TSFM: variants seen among roughly 807,000 people sequenced by gnomAD.
TSFM encodes the protein Ts translation elongation factor, mitochondrial, also known as elongation factor Ts, mitochondrial.
In TSFM, 29 loss-of-function variants were observed where a neutral mutation model predicts 33.4. That is an observed-to-expected ratio of 0.87 (90% CI 0.65 to 1.18). TSFM has a LOEUF of 1.18. Ranked by LOEUF, TSFM falls within the 50% of genes most tolerant of loss-of-function variation. TSFM has a pLI of 0.00. For synonymous variants in TSFM, 178 were observed against 163.5 expected (o/e 1.09, Z -0.68); for missense variants, 394 against 395.6 (o/e 1.00, Z 0.04).
At chr12:57,791,337 C>T (rs1483434889) in intron 4 of TSFM, among the ~76,000 whole-genome samples, 2 of 152,068 alleles carry the variant, frequency 1.3e-5, no homozygotes, top group South Asian at 2.1e-4. Flanking sequence ...TTTTTGAATA[C>T]ATAAGATACA....
At chr12:57,784,515 T>C (rs936467402) in intron 2 of TSFM, among the ~76,000 whole-genome samples, 2 of 152,232 alleles carry the variant, frequency 1.3e-5, no homozygotes, top group Admixed American at 1.3e-4. Flanking sequence ...AAAACACATA[T>C]TGTACAGCTG....
At chr12:57,784,186 C>T (rs1269766487) in intron 2 of TSFM, 1 of 697,412 alleles carries the variant, frequency 1.4e-6, no homozygotes, top group Admixed American at 2.0e-5. Flanking sequence ...TATTGTGTAT[C>T]TAAACATAGA....
chr12:57,790,194 C>T (rs1435603170), intron 4 of TSFM, among the ~76,000 whole-genome samples: 4 of 151,834 alleles, frequency 2.6e-5, no homozygotes, highest in South Asian at 2.1e-4. Context: ...CTCAGCCTCC[C>T]GAGTAGCTGG....
Position 57,783,014 on chromosome 12 carries a change from A to T in TSFM, c.58-96A>T. On this transcript the variant is annotated intron_variant, in intron 1 of 5. Transcript: ENST00000652027. ...AGCCCCGGTGCACCCCCCTTTGCAC[A>T]CTGTCCGCTCCCTAAGGTCGCTTCC... 3 of 1,508,622 alleles carry T rather than the reference A, an allele frequency of 2.0e-6. No homozygotes were observed. The African/African-American group carries it at 4.1e-5, about 21-fold the overall frequency. The allele number at this position is 1,508,622 out of a possible 1,614,324, so 93.5% of individuals were successfully genotyped here.
chr12:57,800,198 T>C, downstream of TSFM: 1 of 313,594 alleles, frequency 3.2e-6, no homozygotes, highest in Non-Finnish European at 6.0e-6. Context: ...TGGATCTCAT[T>C]TGAATATTGG....
Position 57,795,292 on chromosome 12 carries a change from G to T in TSFM, c.572-885G>T, listed in dbSNP as rs368348333. On this transcript the variant is annotated intron_variant, in intron 5 of 5. Coordinates refer to ENST00000652027, the MANE Select transcript of TSFM (RefSeq NM_005726.6). The stretch of plus-strand genomic sequence containing the variant: ...TTTTTGTATTTTTAGTAGAGACGGG[G>T]TTTCTCCATGTTGGTCAGGCTGGTC... 2.9e-4 allele frequency among the ~76,000 whole-genome samples: 44 copies of T among 151,276 alleles called. 1 individual carries two copies. Among genetic ancestry groups the T allele is most frequent in the African/African-American group, 9.9e-4 (41 of 41,214 alleles).
At chr12:57,799,845 T>C, downstream of TSFM, 1 of 1,614,226 alleles carries the variant, frequency 6.2e-7, no homozygotes, top group Non-Finnish European at 8.5e-7. Flanking sequence ...TTCTGGTTTT[T>C]CAACAGAACT....
chr12:57,795,708 G>A (rs1235395133), intron 5 of TSFM, among the ~76,000 whole-genome samples: 1 of 151,942 alleles, frequency 6.6e-6, no homozygotes, highest in African/African-American at 2.4e-5. Context: ...TCCGCTTCCT[G>A]GGTTCAAGTG....
chr12:57,801,293 G>A (rs1241606304), downstream of TSFM: 6 of 1,201,342 alleles, frequency 5.0e-6, no homozygotes, highest in Admixed American at 4.2e-5. Flanking sequence ...GTGTCTTCAG[G>A]AAAAGCAAAA....
At chr12:57,790,538 G>C (rs1465813237) in intron 4 of TSFM, among the ~76,000 whole-genome samples, 1 of 152,098 alleles carries the variant, frequency 6.6e-6, no homozygotes, top group Non-Finnish European at 1.5e-5. Flanking sequence ...ATACAAAATT[G>C]TTTCAGAATT....
chr12:57,784,127 A>G, intron 2 of TSFM: 1 of 702,606 alleles, frequency 1.4e-6, no homozygotes, highest in Non-Finnish European at 2.6e-6. Flanking sequence ...AAACCGTTAC[A>G]AAATGTTACT....
At chr12:57,783,033 C>T (rs1405015820) in intron 1 of TSFM, 77 bp from the exon 2 acceptor site, 9 of 1,535,650 alleles carry the variant, frequency 5.9e-6, no homozygotes, top group Non-Finnish European at 7.9e-6. Flanking sequence ...TCCCTAAGGT[C>T]GCTTCCCTGC....
chr12:57,802,076 G>A, downstream of TSFM: 1 of 1,463,426 alleles, frequency 6.8e-7, no homozygotes. Context: ...ACTGAGCCGT[G>A]AATCAGTACT....
chr12:57,782,841 C>A lies in TSFM; in HGVS notation c.40C>A (p.Arg14=). The A allele has an allele frequency of 6.3e-7, 1 of 1,595,528 alleles. No individual in the cohort carries two copies. Among genetic ancestry groups the A allele is most frequent in the Non-Finnish European group, 8.5e-7 (1 of 1,171,818 alleles). The stretch of plus-strand genomic sequence containing the variant: ...GTCGCTGCGCGTGTTTCTGGTCGCG[C>A]GGACCGGGAGCTACCCGGTGAGAAG... ...LRSLRVFLVA[R]TGSYPAGSLL... Residue 14 remains arginine (R), a synonymous_variant, in exon 1 of 6, where the codon CGG becomes AGG. Coordinates refer to ENST00000652027, the MANE Select transcript of TSFM (RefSeq NM_005726.6).
At chr12:57,783,327 C>CT in intron 2 of TSFM, 44 bp downstream of exon 2, 1 of 1,611,388 alleles carries the variant, frequency 6.2e-7, no homozygotes, top group Non-Finnish European at 8.5e-7. Context: ...AGAGCTCGAC[C>CT]TCAGACTCTT....
downstream of TSFM, among the ~76,000 whole-genome samples, chr12:57,799,440 T>C (rs929711819): frequency 1.3e-5 from 2 of 152,220 alleles, no homozygotes; most frequent in Middle Eastern, 3.2e-3. Context: ...TCCAGGTGTT[T>C]TAAACAGGGC....
At chr12:57,802,433 CT>C, downstream of TSFM, 1 of 1,463,334 alleles carries the variant, frequency 6.8e-7, no homozygotes, top group Non-Finnish European at 9.3e-7. Flanking sequence ...TATCTTTCCC[CT>C]TTCTTTCGTG....
Position 57,783,237 on chromosome 12 carries a change from T to A in TSFM, c.185T>A (p.Val62Glu), listed in dbSNP as rs1955538141. 6.2e-7 allele frequency: 1 copy of A among 1,613,872 alleles called. No individual in the cohort carries two copies. The highest frequency in any genetic ancestry group is 1.3e-5 in the African/African-American group (1 of 75,054). The change falls in exon 2 of 6, where the codon GTA becomes GAA. Residue 62 changes from valine to glutamate, a missense_variant. Physicochemically the swap from Val to Glu is moderately radical, Grantham distance 121. This residue lies in a region of TSFM where 208 missense variants were observed against 180.4 expected (regional missense o/e 1.15). Coordinates refer to ENST00000652027, the MANE Select transcript of TSFM (RefSeq NM_005726.6). ...KLRRKTGYSF[V>E]NCKKALETCG... The stretch of plus-strand genomic sequence containing the variant: ...CGGCGGAAAACAGGCTACTCCTTTG[T>A]AAATTGCAAGAAAGCTCTGGAGACT...
intron 4 of TSFM, among the ~76,000 whole-genome samples, chr12:57,791,457 C>A (rs1037886012): frequency 2.0e-5 from 3 of 152,136 alleles, no homozygotes; most frequent in African/African-American, 4.8e-5. Flanking sequence ...TTTAGATAAC[C>A]AGTGTCATTG....
Sources: allele counts gnomAD v4.1 joint callset (sites outside exome capture counted in the v4.1 genomes callset), GRCh38; gene constraint gnomAD v4.1.1; regional missense constraint gnomAD v4.1.1; transcripts MANE v1.5; gene names NCBI Gene and HGNC (gene_info 2026-07-23, HGNC 2026-07-21).